The following APBB2 variants were observed in gnomAD, a reference collection of about 807,000 sequenced individuals.
The protein encoded by APBB2 is Fe65-like 1.
In APBB2, 38 loss-of-function variants were observed where a neutral mutation model predicts 82.5. The ratio of observed to expected loss-of-function variants is 0.46; its 90% CI spans 0.36 to 0.60. The LOEUF is 0.60. APBB2 is among the 20% of genes least tolerant of loss of function. The probability of loss-of-function intolerance (pLI) is 0.00; values close to 1 mark genes in which losing one functional copy is unlikely to be tolerated. For missense variants in APBB2, 772 were observed against 972.3 expected (o/e 0.79, Z 2.74); for synonymous variants, 341 against 368.2 (o/e 0.93, Z 0.85).
At chr4:40,866,205 G>A (rs1413386280) in intron 12 of APBB2, among the ~76,000 whole-genome samples, 7 of 152,306 alleles carry the variant, frequency 4.6e-5, no homozygotes, top group African/African-American at 1.4e-4. Context: ...TGCCTTTTAA[G>A]ATGGATGGGC....
chr4:41,085,957 T>G (rs996406499), intron 3 of APBB2, among the ~76,000 whole-genome samples: 1 of 151,898 alleles, frequency 6.6e-6, no homozygotes, highest in African/African-American at 2.4e-5. Flanking sequence ...TTAGGTAGAC[T>G]GACTAAGAAA....
intron 3 of APBB2, among the ~76,000 whole-genome samples, chr4:41,094,572 C>T (rs1742860464): frequency 1.3e-5 from 2 of 152,050 alleles, no homozygotes; most frequent in Admixed American, 1.3e-4. Flanking sequence ...ATTCTATCAG[C>T]CACTTTTTTT....
chr4:40,859,866 T>C (rs1400126234), intron 12 of APBB2, among the ~76,000 whole-genome samples: 1 of 152,166 alleles, frequency 6.6e-6, no homozygotes, highest in African/African-American at 2.4e-5. Context: ...GCCTTTGCAC[T>C]GACTGTGACC....
At chr4:40,834,756 G>T (rs1753270646) in intron 12 of APBB2, among the ~76,000 whole-genome samples, 1 of 152,182 alleles carries the variant, frequency 6.6e-6, no homozygotes, top group Non-Finnish European at 1.5e-5. Flanking sequence ...GCCTCAAGAA[G>T]CTGGAAAAGG....
intron 1 of APBB2, among the ~76,000 whole-genome samples, chr4:41,149,943 A>T (rs1044387318): frequency 6.6e-5 from 10 of 152,174 alleles, no homozygotes; most frequent in African/African-American, 2.4e-4. Flanking sequence ...AGGCCTCCCC[A>T]GCCATGTGGA....
chr4:40,935,112 G>T lies in APBB2; in HGVS notation c.1072C>A (p.Leu358Met). Reference sequence around the variant, plus strand: ...TCACTATTAATCTTTCCCCCATTCAGAACAGCAAAATCACTCCATGGCTGT... The same window carrying T: ...TCACTATTAATCTTTCCCCCATTCATAACAGCAAAATCACTCCATGGCTGT... Reference protein sequence around the residue: ...EKQPWSDFAVLNGGKINSDIW... With the variant: ...EKQPWSDFAVMNGGKINSDIW... The change falls in exon 8 of 18, where the codon CTG (leucine) becomes ATG (methionine). Residue 358 changes from leucine (L) to methionine (M), a missense_variant. Transcript: ENST00000508593. 1 of 1,533,986 alleles carries T rather than the reference G, an allele frequency of 6.5e-7. No homozygotes were observed. Among genetic ancestry groups the T allele is most frequent in the Non-Finnish European group, 8.7e-7 (1 of 1,145,422 alleles).
rs755829073 is a variant in APBB2 at position 40,830,526 on chromosome 4, A to G, written c.1581T>C (p.His527=). The G allele has an allele frequency of 1.2e-6, 2 of 1,614,084 alleles. No individual in the cohort carries two copies. Among genetic ancestry groups the G allele is most frequent in the East Asian group, 2.2e-5 (1 of 44,898 alleles). Residue 527 remains histidine (H), a synonymous_variant, in exon 13 of 18, where the codon CAT becomes CAC. Coordinates refer to ENST00000508593, the MANE Select transcript of APBB2 (RefSeq NM_004307.2). ...RDKDTRILKC[H]VFRCDTPAKA... ...TTGCTGGTGTGTCACATCGAAATAC[A>G]TGACATTTCAAAATTCTTGTATCTT...
intron 10 of APBB2, among the ~76,000 whole-genome samples, chr4:40,907,245 G>A (rs1777008507): frequency 6.6e-6 from 1 of 151,170 alleles, no homozygotes; most frequent in African/African-American, 2.4e-5. Flanking sequence ...ACTGTATTTG[G>A]AGAAAGGGTC....
chr4:40,891,833 A>AGT (rs1772111051), intron 11 of APBB2, among the ~76,000 whole-genome samples: 1 of 152,040 alleles, frequency 6.6e-6, no homozygotes, highest in Non-Finnish European at 1.5e-5. Flanking sequence ...TTCACATATT[A>AGT]GTGTAAGTCA....
At chr4:40,899,891 G>C (rs1343332228) in intron 10 of APBB2, among the ~76,000 whole-genome samples, 1 of 152,144 alleles carries the variant, frequency 6.6e-6, no homozygotes, top group Non-Finnish European at 1.5e-5. Flanking sequence ...TGAGCCGTGG[G>C]ATACAGGCCT....
chr4:40,903,858 C>T (rs1775988502), intron 10 of APBB2, among the ~76,000 whole-genome samples: 1 of 152,062 alleles, frequency 6.6e-6, no homozygotes, highest in Non-Finnish European at 1.5e-5. Context: ...TTCTGGGGGT[C>T]AGGTGGAAAA....
intron 6 of APBB2, among the ~76,000 whole-genome samples, chr4:40,968,117 T>C (rs982499695): frequency 3.3e-5 from 5 of 152,216 alleles, no homozygotes; most frequent in African/African-American, 1.2e-4. Context: ...ACTTACTGTG[T>C]ATCAGCAGCC....
At chr4:40,875,618 G>A (rs1271862753) in intron 12 of APBB2, among the ~76,000 whole-genome samples, 1 of 152,110 alleles carries the variant, frequency 6.6e-6, no homozygotes, top group Non-Finnish European at 1.5e-5. Flanking sequence ...ACACTTTACA[G>A]CACATTTCAA....
intron 6 of APBB2, among the ~76,000 whole-genome samples, chr4:40,973,195 T>C (rs1230672514): frequency 1.3e-5 from 2 of 152,200 alleles, no homozygotes; most frequent in Non-Finnish European, 2.9e-5. Flanking sequence ...TGAGCTCTCT[T>C]GGCAGGTTCG....
At chr4:41,116,647 T>C (rs973384003) in intron 2 of APBB2, among the ~76,000 whole-genome samples, 4 of 151,960 alleles carry the variant, frequency 2.6e-5, no homozygotes, top group African/African-American at 4.8e-5. Context: ...AATAAAGTCA[T>C]GCTAGCTATA....
chr4:40,950,915 A>G (rs754388318), intron 6 of APBB2, among the ~76,000 whole-genome samples: 9 of 152,218 alleles, frequency 5.9e-5, no homozygotes, highest in Non-Finnish European at 1.2e-4. Context: ...AGAATAAATG[A>G]ACAAAAATGA....
At chr4:41,063,492 T>C (rs775416701) in intron 4 of APBB2, among the ~76,000 whole-genome samples, 4 of 152,192 alleles carry the variant, frequency 2.6e-5, no homozygotes, top group Non-Finnish European at 5.9e-5. Context: ...ATGCTAACAA[T>C]ATCTGAAAAT....
intron 2 of APBB2, among the ~76,000 whole-genome samples, chr4:41,119,467 C>T (rs1429479675): frequency 6.6e-6 from 1 of 150,618 alleles, no homozygotes; most frequent in African/African-American, 2.5e-5. Flanking sequence ...TTTACCACAC[C>T]TCCTACTCCT....
At chr4:41,150,793 T>C (rs993139413) in intron 1 of APBB2, among the ~76,000 whole-genome samples, 4 of 152,140 alleles carry the variant, frequency 2.6e-5, no homozygotes, top group Admixed American at 1.3e-4. Flanking sequence ...CAGGCTGGAG[T>C]GCAATGGCCC....
Sources: gnomAD v4.1 joint callset for allele counts (sites outside exome capture counted in the v4.1 genomes callset) on GRCh38, gnomAD v4.1.1 for gene constraint, MANE v1.5 for transcripts, NCBI Gene and HGNC (gene_info 2026-07-23, HGNC 2026-07-21) for gene names.